SPEF2: variants seen among roughly 807,000 people sequenced by gnomAD.
SPEF2 encodes the protein sperm flagella and cilia-associated protein 2.
A neutral mutation model predicts 224.6 loss-of-function variants in SPEF2; 187 were observed. That is an observed-to-expected ratio of 0.83 (90% confidence interval 0.74 to 0.94). The LOEUF (loss-of-function observed/expected upper bound fraction) is 0.94. SPEF2 is among the 40% of genes least tolerant of loss of function. The pLI is 0.00. For missense variants in SPEF2, 2,170 were observed against 2,135.6 expected, an observed-to-expected ratio of 1.02 and a Z score of -0.32; for synonymous variants, 715 against 707.3, an observed-to-expected ratio of 1.01 and a Z score of -0.17.
intron 30 of SPEF2, chr5:35,788,559 T>G (rs56349002): frequency 1.1e-5 from 8 of 702,628 alleles, no homozygotes; most frequent in Admixed American, 1.0e-4. Flanking sequence ...GGGGTACAGA[T>G]AGTAGAAAGA....
chr5:35,721,474 T>A (rs1443011453), intron 20 of SPEF2, among the ~76,000 whole-genome samples: 1 of 152,194 alleles, frequency 6.6e-6, no homozygotes, highest in Non-Finnish European at 1.5e-5. Context: ...GCCCAGACCT[T>A]ACCAATTGTG....
At chr5:35,653,685 G>T (rs1465967386) in intron 6 of SPEF2, among the ~76,000 whole-genome samples, 1 of 152,248 alleles carries the variant, frequency 6.6e-6, no homozygotes, top group Non-Finnish European at 1.5e-5. Flanking sequence ...AGTGACTCAC[G>T]CCTGTAATCC....
intron 30 of SPEF2, chr5:35,789,549 T>C (rs1198857470): frequency 1.5e-6 from 1 of 655,744 alleles, no homozygotes; most frequent in Non-Finnish European, 2.7e-6. Flanking sequence ...TCATGGTAAC[T>C]GCCTCAGAGG....
At chr5:35,739,763 G>A (rs913892534) in intron 21 of SPEF2, among the ~76,000 whole-genome samples, 156 bp from the exon 22 acceptor site, 3 of 152,190 alleles carry the variant, frequency 2.0e-5, no homozygotes, top group African/African-American at 7.2e-5. Context: ...GGAGTGGGAG[G>A]CGTGTGAGAG....
chr5:35,720,663 C>T (rs1317113231), intron 20 of SPEF2, among the ~76,000 whole-genome samples: 1 of 152,184 alleles, frequency 6.6e-6, no homozygotes, highest in Non-Finnish European at 1.5e-5. Context: ...TGATTGATAG[C>T]ATATACTTAG....
At chr5:35,625,387 G>A (rs371916648) in intron 1 of SPEF2, among the ~76,000 whole-genome samples, 59 of 152,252 alleles carry the variant, frequency 3.9e-4, no homozygotes, top group African/African-American at 1.3e-3. Context: ...GTTACAGACC[G>A]TTTGTCAGCC....
At chr5:35,675,389 AAG>A (rs140196500) in intron 10 of SPEF2, among the ~76,000 whole-genome samples, 1 of 152,362 alleles carries the variant, frequency 6.6e-6, no homozygotes, top group East Asian at 1.9e-4. Flanking sequence ...TTTAGTTTTT[AAG>A]AGTGTGCCAT....
intron 20 of SPEF2, among the ~76,000 whole-genome samples, chr5:35,718,345 G>A (rs541856026): frequency 1.3e-5 from 2 of 152,254 alleles, no homozygotes; most frequent in Admixed American, 1.3e-4. Flanking sequence ...GAGGACAGAG[G>A]AGGAGAAAGA....
rs372635137 is a variant in SPEF2, at chr5:35,642,576, ATGT to A, written c.414+897_414+899del. ...GAATATGTCTAGTACAATGCTTCAA[ATGT>A]TGTAAGTACTCATTAAATGTGTTAT... On this transcript the variant is annotated intron_variant, in intron 3 of 36. Transcript: ENST00000356031. 1.9e-3 allele frequency among the ~76,000 whole-genome samples: 295 copies of A among 152,292 alleles called. 2 individuals are homozygous for A. Among genetic ancestry groups the A allele is most frequent in the African/African-American group, 6.7e-3 (279 of 41,582 alleles).
At chr5:35,753,500 G>T in intron 23 of SPEF2, 124 bp from the exon 24 acceptor site, 3 of 1,250,474 alleles carry the variant, frequency 2.4e-6, no homozygotes, top group Non-Finnish European at 3.4e-6. Context: ...ATACAGGAGT[G>T]CAATTGGTGT....
intron 10 of SPEF2, among the ~76,000 whole-genome samples, chr5:35,684,516 G>A (rs541207070): frequency 1.2e-3 from 183 of 152,276 alleles, no homozygotes; most frequent in African/African-American, 4.2e-3. Context: ...CGGATTTTTT[G>A]TGAGGAAGCA....
intron 16 of SPEF2, among the ~76,000 whole-genome samples, chr5:35,703,823 T>C (rs569782916): frequency 6.6e-5 from 10 of 152,350 alleles, no homozygotes; most frequent in African/African-American, 2.4e-4. Context: ...TGAATGGAGA[T>C]GAAGAACAAC....
chr5:35,658,996 A>G lies in SPEF2; in HGVS notation c.979-23A>G, dbSNP rs775728302. On this transcript the variant is annotated intron_variant, in intron 7 of 36. Transcript: ENST00000356031. ...GGGAAATTTGGACGTCACTTTAACA[A>G]ATAATTCCCCTGGTGTTTTCAGGAG... The G allele has an allele frequency of 9.4e-6, 14 of 1,496,100 alleles. No individual in the cohort carries two copies. The East Asian group carries it at 2.4e-4, about 26-fold the overall frequency. 92.7% of individuals were successfully genotyped at this position (1,496,100 alleles called of 1,614,324 possible). A position where few individuals can be genotyped will look rare whatever the true frequency, so the allele number is the denominator to read the frequency against.
chr5:35,801,243 T>C (rs971199808), intron 34 of SPEF2, among the ~76,000 whole-genome samples: 1 of 152,154 alleles, frequency 6.6e-6, no homozygotes, highest in African/African-American at 2.4e-5. Flanking sequence ...GGGCTGGGTG[T>C]GGTGGCTCCC....
intron 31 of SPEF2, 112 bp from the exon 32 acceptor site, chr5:35,793,047 G>A: frequency 2.1e-6 from 2 of 942,688 alleles, no homozygotes; most frequent in Non-Finnish European, 3.2e-6. Context: ...CTATGTGCCA[G>A]TGAAAAGTCC....
In SPEF2 at chr5:35,729,717, G is replaced by T. The variant is rs1235535270; in HGVS notation, c.3063+1894G>T. Reference sequence around the variant, plus strand: ...ATCTCAACTTGAATTGTGTCTCCCAGAATTCCTACGTGTTGTGGGAGAGAC... The same window carrying T: ...ATCTCAACTTGAATTGTGTCTCCCATAATTCCTACGTGTTGTGGGAGAGAC... On this transcript the variant is annotated intron_variant, in intron 21 of 36. Transcript: ENST00000356031. 2.0e-5 allele frequency among the ~76,000 whole-genome samples: 3 copies of T among 152,180 alleles called. No homozygotes were observed. In the East Asian group the frequency reaches 5.8e-4, roughly 29 times the overall value.
At chr5:35,711,469 A>G (rs1004893179) in intron 19 of SPEF2, among the ~76,000 whole-genome samples, 1 of 152,180 alleles carries the variant, frequency 6.6e-6, no homozygotes, top group African/African-American at 2.4e-5. Flanking sequence ...TGAAGGGTCT[A>G]TTATCAAATG....
intron 23 of SPEF2, among the ~76,000 whole-genome samples, chr5:35,744,414 C>A (rs2149702286): frequency 6.6e-6 from 1 of 152,248 alleles, no homozygotes; most frequent in East Asian, 1.9e-4. Flanking sequence ...CCCTTTTTAT[C>A]CCTGGTAATA....
intron 23 of SPEF2, among the ~76,000 whole-genome samples, chr5:35,749,702 A>T (rs1170084296): frequency 6.6e-6 from 1 of 152,034 alleles, no homozygotes; most frequent in African/African-American, 2.4e-5. Flanking sequence ...AAAAATCATA[A>T]ATGACATAAA....
Sources: allele counts gnomAD v4.1 joint callset (sites outside exome capture counted in the v4.1 genomes callset), GRCh38; gene constraint gnomAD v4.1.1; transcripts MANE v1.5; gene names NCBI Gene and HGNC (gene_info 2026-07-23, HGNC 2026-07-21).